The following SEMA3D variants were observed in gnomAD, a reference collection of about 807,000 sequenced individuals.
SEMA3D encodes the protein semaphorin-3D.
Under a neutral mutation model 100.1 loss-of-function variants are expected in SEMA3D, and 84 were observed. That is an observed-to-expected ratio of 0.84 (90% CI 0.70 to 1.01). The LOEUF is 1.01. Among genes scored for constraint, SEMA3D ranks in the 50% least tolerant of loss-of-function variants. The pLI is 0.00. For missense variants in SEMA3D, 875 were observed against 934.1 expected (o/e 0.94, Z 0.82); for synonymous variants, 312 against 320.7 (o/e 0.97, Z 0.29).
At chr7:85,116,724 A>T (rs549402912) in intron 3 of SEMA3D, among the ~76,000 whole-genome samples, 3 of 152,018 alleles carry the variant, frequency 2.0e-5, no homozygotes, top group Non-Finnish European at 2.9e-5. Context: ...GTTATATTCT[A>T]GAAGTTTTAG....
At chr7:85,142,528 T>C (rs1346801670) in intron 2 of SEMA3D, 3 of 983,854 alleles carry the variant, frequency 3.0e-6, no homozygotes, top group Non-Finnish European at 3.6e-6. Context: ...CATGGTAATA[T>C]GGTATTTTCC....
chr7:85,094,162 T>A (rs142144077), intron 4 of SEMA3D, among the ~76,000 whole-genome samples: 134 of 151,398 alleles, frequency 8.9e-4, no homozygotes, highest in African/African-American at 3.1e-3. Context: ...GAAAATAGAG[T>A]GCATGTGAGA....
At chr7:85,166,530 A>G (rs1197305476) in intron 1 of SEMA3D, among the ~76,000 whole-genome samples, 2 of 151,970 alleles carry the variant, frequency 1.3e-5, no homozygotes, top group Non-Finnish European at 2.9e-5. Context: ...ACATTATTCT[A>G]AGTTGTGAAC....
At chr7:85,083,758 A>C (rs1304749779) in intron 4 of SEMA3D, among the ~76,000 whole-genome samples, 3 of 150,178 alleles carry the variant, frequency 2.0e-5, no homozygotes, top group African/African-American at 7.4e-5. Flanking sequence ...GAGGCAGGAG[A>C]ATGGCGTGAA....
the SEMA3D span, among the ~76,000 whole-genome samples, chr7:85,213,144 T>C: frequency 2.6e-5 from 4 of 152,052 alleles, no homozygotes; most frequent in African/African-American, 9.7e-5. Context: ...ACAATCATTA[T>C]ATGTTGAACA....
intron 16 of SEMA3D, 46 bp downstream of exon 16, chr7:85,015,013 A>C (rs376319427): frequency 2.1e-6 from 3 of 1,448,904 alleles, no homozygotes; most frequent in East Asian, 4.6e-5. Context: ...TGAGATATTC[A>C]GCTTGTAGAA....
chr7:85,125,826 T>C (rs770419319), intron 2 of SEMA3D, among the ~76,000 whole-genome samples: 26 of 151,728 alleles, frequency 1.7e-4, no homozygotes, highest in Non-Finnish European at 3.1e-4. Flanking sequence ...TGTGTGTGTG[T>C]TGTGCATCTG....
the SEMA3D span, among the ~76,000 whole-genome samples, chr7:85,206,786 T>C: frequency 2.0e-5 from 3 of 152,118 alleles, no homozygotes; most frequent in Non-Finnish European, 4.4e-5. Context: ...AGAATGGGTA[T>C]GTTGCACAGT....
intron 12 of SEMA3D, chr7:85,028,094 T>C (rs1339729034): frequency 1.6e-6 from 1 of 625,340 alleles, no homozygotes; most frequent in Non-Finnish European, 3.0e-6. Flanking sequence ...ATATGACATA[T>C]TGGCCTTTCA....
At chr7:85,084,277 G>A (rs1408646072) in intron 4 of SEMA3D, among the ~76,000 whole-genome samples, 2 of 151,568 alleles carry the variant, frequency 1.3e-5, no homozygotes, top group African/African-American at 4.9e-5. Flanking sequence ...TTTAATTTTG[G>A]TTAAAAACGC....
chr7:85,240,885 CA>C, the SEMA3D span, among the ~76,000 whole-genome samples: 859 of 152,086 alleles, frequency 5.6e-3, 11 homozygotes, highest in African/African-American at 0.019. Flanking sequence ...TTCCAACCCA[CA>C]GAGTAGGAGA....
chr7:85,042,027 G>T, intron 10 of SEMA3D, 144 bp downstream of exon 10: 1 of 669,872 alleles, frequency 1.5e-6, no homozygotes, highest in Non-Finnish European at 2.7e-6. Context: ...CGTGTACTTT[G>T]CGTGTGAATT....
At chr7:85,040,401 T>C (rs190075583) in intron 11 of SEMA3D, among the ~76,000 whole-genome samples, 1 of 152,260 alleles carries the variant, frequency 6.6e-6, no homozygotes, top group African/African-American at 2.4e-5. Flanking sequence ...CAGTAGGCAT[T>C]TGGAAATAAC....
rs552699794 is a variant in SEMA3D, at chr7:85,148,932, CTTAG to C, written c.-41+4672_-41+4675del. Among the ~76,000 whole-genome samples the C allele has an allele frequency of 3.2e-3, 485 of 151,906 alleles. 5 individuals are homozygous for C. The highest frequency in any genetic ancestry group is 0.011 in the African/African-American group (467 of 41,464). ...GCTTTTAAACAGGTTAAGCTTTTAA[CTTAG>C]TTAAATTTTTTTAGAACTTTAGAAA... On this transcript the variant is annotated intron_variant, in intron 2 of 18. Transcript: ENST00000284136.
At chr7:85,016,173 T>C (rs752885468) in intron 15 of SEMA3D, among the ~76,000 whole-genome samples, 4 of 151,698 alleles carry the variant, frequency 2.6e-5, no homozygotes, top group Non-Finnish European at 4.4e-5. Flanking sequence ...CTAATGACTA[T>C]ATGTTCCTTG....
At chr7:85,000,138 A>G (rs1383691725) in intron 18 of SEMA3D, among the ~76,000 whole-genome samples, 2 of 152,156 alleles carry the variant, frequency 1.3e-5, no homozygotes, top group African/African-American at 4.8e-5. Context: ...TTTTTCTCTC[A>G]ATATGCAGAT....
At chr7:85,050,910 G>A (rs1326345467) in intron 9 of SEMA3D, among the ~76,000 whole-genome samples, 18 of 151,776 alleles carry the variant, frequency 1.2e-4, no homozygotes, top group Non-Finnish European at 2.9e-5. Context: ...GCACAGGTAC[G>A]CTGATCTGGC....
chr7:85,234,575 T>G, the SEMA3D span, among the ~76,000 whole-genome samples: 1 of 152,160 alleles, frequency 6.6e-6, no homozygotes. Flanking sequence ...CCTACAGAGC[T>G]TTTAAGCTCA....
At chr7:85,195,822 A>G in the SEMA3D span, among the ~76,000 whole-genome samples, 2 of 152,188 alleles carry the variant, frequency 1.3e-5, no homozygotes, top group African/African-American at 4.8e-5. Context: ...CTAACCCTTG[A>G]ATTTTGAGAT....
Sources: allele counts gnomAD v4.1 joint callset (sites outside exome capture counted in the v4.1 genomes callset), GRCh38; gene constraint gnomAD v4.1.1; transcripts MANE v1.5; gene names NCBI Gene and HGNC (gene_info 2026-07-23, HGNC 2026-07-21).